The following EVC2 variants were observed in gnomAD, a reference collection of about 807,000 sequenced individuals.
The protein encoded by EVC2 is EvC ciliary complex subunit 2, also known as limbin.
In EVC2, 148 loss-of-function variants were observed where a neutral mutation model predicts 149.3. The ratio of observed to expected loss-of-function variants is 0.99; its 90% confidence interval spans 0.87 to 1.14. The LOEUF is 1.14. EVC2 is among the 50% of genes most tolerant of loss of function. EVC2 has a pLI of 0.00. For synonymous variants in EVC2, 776 were observed against 649.9 expected, an observed-to-expected ratio of 1.19 and a Z score of -2.95; for missense variants, 1,854 against 1,627.3, an observed-to-expected ratio of 1.14 and a Z score of -2.40.
intron 19 of EVC2, among the ~76,000 whole-genome samples, chr4:5,571,079 G>A (rs1314883783): frequency 6.6e-6 from 1 of 152,066 alleles, no homozygotes; most frequent in Non-Finnish European, 1.5e-5. Flanking sequence ...ACTTTGGGAG[G>A]CTGAGGCGGG....
chr4:5,659,914 T>C (rs1718771536), intron 9 of EVC2, among the ~76,000 whole-genome samples: 1 of 152,246 alleles, frequency 6.6e-6, no homozygotes, highest in Non-Finnish European at 1.5e-5. Context: ...GATTGCATGA[T>C]CCAAATCATT....
At chr4:5,650,818 CAT>C in intron 9 of EVC2, among the ~76,000 whole-genome samples, 1 of 152,074 alleles carries the variant, frequency 6.6e-6, no homozygotes, top group Non-Finnish European at 1.5e-5. Flanking sequence ...GAACTCATGA[CAT>C]GTTTCTCCAG....
rs556891371 is a variant in EVC2 at position 5,583,069 on chromosome 4, C to G, written c.3057+1554G>C. Among the ~76,000 whole-genome samples the G allele has an allele frequency of 3.9e-5, 6 of 152,052 alleles. No homozygotes were observed. In the South Asian group the frequency reaches 1.2e-3, roughly 32 times the overall value. On this transcript the variant is annotated intron_variant, in intron 17 of 21. Transcript: ENST00000344408. ...TCTCAGGGTATTTCTTATAGCAATG[C>G]AAGAACAGACTAATATAAAGACATA...
At chr4:5,543,502 A>T (rs1427427814) in intron 21 of EVC2, among the ~76,000 whole-genome samples, 3 of 152,244 alleles carry the variant, frequency 2.0e-5, no homozygotes. Flanking sequence ...GGTTCTTAGT[A>T]TACAGAGTAT....
Position 5,576,189 on chromosome 4 carries a change from C to T in EVC2, c.3272+51G>A. 6.2e-7 allele frequency: 1 copy of T among 1,613,658 alleles called. No individual in the cohort carries two copies. Among genetic ancestry groups the T allele is most frequent in the African/African-American group, 1.3e-5 (1 of 75,032 alleles). ...GCTGAGTTGGAGATGCCAGGTTCTCCAGGACTGCTGGGGACTAATATCTTT... is the reference window on the plus strand; with the variant it reads ...GCTGAGTTGGAGATGCCAGGTTCTCTAGGACTGCTGGGGACTAATATCTTT... On this transcript the variant is annotated intron_variant, in intron 18 of 21. Coordinates refer to ENST00000344408, the MANE Select transcript of EVC2 (RefSeq NM_147127.5). The surrounding 1 kb of genome is among the most constrained non-coding windows in gnomAD (Gnocchi z 4.5).
Position 5,679,104 on chromosome 4 carries a change from A to C in EVC2, c.870+2156T>G, listed in dbSNP as rs764997720. On this transcript the variant is annotated intron_variant, in intron 7 of 21. Transcript: ENST00000344408. The surrounding 1 kb of genome is among the most constrained non-coding windows in gnomAD (Gnocchi z 5.1). The stretch of plus-strand genomic sequence containing the variant: ...AATACACTCGTATAGGAAATGTATC[A>C]TAACTCGAGCTTGCAGGTCTGGAAG... 1.3e-4 allele frequency among the ~76,000 whole-genome samples: 20 copies of C among 152,294 alleles called. No homozygotes were observed. Among genetic ancestry groups the C allele is most frequent in the Admixed American group, 5.9e-4 (9 of 15,298 alleles).
In EVC2 at chr4:5,686,417, G is replaced by GTGACAA. The variant is rs1720716704; in HGVS notation, c.707-944_707-939dup. Among the ~76,000 whole-genome samples, 1 of 152,086 alleles carries GTGACAA rather than the reference G, an allele frequency of 6.6e-6. No individual in the cohort carries two copies. Among genetic ancestry groups the GTGACAA allele is most frequent in the Non-Finnish European group, 1.5e-5 (1 of 68,036 alleles). On this transcript the variant is annotated intron_variant, in intron 5 of 21. Transcript: ENST00000344408. The surrounding 1 kb of genome is among the most constrained non-coding windows in gnomAD (Gnocchi z 5.4). The stretch of plus-strand genomic sequence containing the variant: ...ACGTAAAGTGATAAAGATAATGGCA[G>GTGACAA]TGACAATGACAATGACGGGGAAAGA...
chr4:5,562,029 G>C (rs1385292248), downstream of EVC2, among the ~76,000 whole-genome samples: 2 of 152,114 alleles, frequency 1.3e-5, no homozygotes, highest in African/African-American at 2.4e-5. The surrounding 1 kb of genome is among the most constrained non-coding windows in gnomAD (Gnocchi z 4.3). Context: ...TGTGTGGATG[G>C]GAAGGGTCAG....
At chr4:5,623,332 T>G (rs943541886) in intron 13 of EVC2, among the ~76,000 whole-genome samples, 19 of 151,062 alleles carry the variant, frequency 1.3e-4, no homozygotes, top group African/African-American at 4.2e-4. Flanking sequence ...TTTATTTTAT[T>G]TATTTATTTT....
intron 17 of EVC2, among the ~76,000 whole-genome samples, chr4:5,584,334 C>A (rs2108787831): frequency 6.6e-6 from 1 of 152,260 alleles, no homozygotes; most frequent in East Asian, 1.9e-4. Flanking sequence ...ACACTGTTGT[C>A]CTCCCTAGCA....
chr4:5,564,048 G>A (rs1036025306), intron 21 of EVC2, among the ~76,000 whole-genome samples: 1 of 151,870 alleles, frequency 6.6e-6, no homozygotes, highest in African/African-American at 2.4e-5. Flanking sequence ...TGCCCAAGCA[G>A]GGCAGGACAA....
downstream of EVC2, among the ~76,000 whole-genome samples, chr4:5,539,685 AAC>A (rs1209297339): frequency 4.6e-5 from 7 of 152,304 alleles, no homozygotes; most frequent in African/African-American, 1.2e-4. Flanking sequence ...CCATGGAAAA[AAC>A]AGTCTTTTCA....
intron 2 of EVC2, 66 bp downstream of exon 2, chr4:5,697,527 G>A: frequency 1.3e-6 from 2 of 1,505,692 alleles, no homozygotes; most frequent in Non-Finnish European, 1.8e-6. Context: ...CTGGAGGAAG[G>A]AGGGCTTCAG....
At chr4:5,580,650 A>AT (rs1298681621) in intron 17 of EVC2, among the ~76,000 whole-genome samples, 1 of 152,148 alleles carries the variant, frequency 6.6e-6, no homozygotes, top group Non-Finnish European at 1.5e-5. Flanking sequence ...TGCAGGCTCT[A>AT]TTAGGGCAGT....
At position 5,708,309 on chromosome 4, in the gene EVC2, C is replaced by G; in HGVS notation, c.205G>C (p.Ala69Pro). Reference protein sequence around the residue: ...GLRIPPGRSGAGPESSTQDLP... With the variant: ...GLRIPPGRSGPGPESSTQDLP... ...ACCTGCGTGCTGCTCTCGGGCCCCGCCCCGCTCCGCCCCGGAGGGATCCTC... is the reference window on the plus strand; with the variant it reads ...ACCTGCGTGCTGCTCTCGGGCCCCGGCCCGCTCCGCCCCGGAGGGATCCTC... Residue 69 changes from alanine to proline, a missense_variant, in exon 1 of 22, where the codon GCG (alanine) becomes CCG (proline). Ala to Pro is a conservative substitution (Grantham distance 27, BLOSUM62 -1). Coordinates refer to ENST00000344408, the MANE Select transcript of EVC2 (RefSeq NM_147127.5). 1 of 1,463,748 alleles carries G rather than the reference C, an allele frequency of 6.8e-7. No homozygotes were observed. The highest frequency in any genetic ancestry group is 9.0e-7 in the Non-Finnish European group (1 of 1,112,488). 90.7% of individuals were successfully genotyped at this position (1,463,748 alleles called of 1,614,324 possible). A position where few individuals can be genotyped will look rare whatever the true frequency, so the allele number is the denominator to read the frequency against.
intron 3 of EVC2, among the ~76,000 whole-genome samples, chr4:5,693,702 A>G (rs900490514): frequency 2.0e-5 from 3 of 152,232 alleles, no homozygotes; most frequent in African/African-American, 7.2e-5. Context: ...AGGGAGCCCA[A>G]AAAAGGGCTC....
intron 16 of EVC2, among the ~76,000 whole-genome samples, chr4:5,608,638 A>C (rs978288353): frequency 1.3e-5 from 2 of 152,106 alleles, no homozygotes; most frequent in African/African-American, 4.8e-5. Flanking sequence ...GCTTCAAGCA[A>C]TTCTCCTGCC....
At chr4:5,661,929 T>C (rs2108893675) in intron 9 of EVC2, among the ~76,000 whole-genome samples, 1 of 152,326 alleles carries the variant, frequency 6.6e-6, no homozygotes, top group South Asian at 2.1e-4. Flanking sequence ...ATTATACGAG[T>C]TAGTTCTGTG....
intron 17 of EVC2, among the ~76,000 whole-genome samples, chr4:5,577,867 A>C (rs1234045031): frequency 6.6e-6 from 1 of 152,170 alleles, no homozygotes; most frequent in Non-Finnish European, 1.5e-5. Context: ...GTATGCTGTC[A>C]TGCTGTCAGC....
Sources: gnomAD v4.1 joint callset for allele counts (sites outside exome capture counted in the v4.1 genomes callset) on GRCh38, gnomAD v4.1.1 for gene constraint, Gnocchi (gnomAD v3.1) non-coding constraint, MANE v1.5 for transcripts, NCBI Gene and HGNC (gene_info 2026-07-23, HGNC 2026-07-21) for gene names.